Variants in MAX observed in about 807,000 individuals in gnomAD.
MAX encodes the protein MYC associated transcriptional regulator X.
MAX carries 3 observed loss-of-function variants against 22.3 expected under a neutral mutation model. That is an observed-to-expected ratio of 0.13 (90% confidence interval 0.06 to 0.35). The LOEUF is 0.35. MAX is among the 10% of genes least tolerant of loss of function. The pLI is 1.00. For synonymous variants in MAX, 72 were observed against 77.7 expected (o/e 0.93, Z 0.39); for missense variants, 119 against 209.4 (o/e 0.57, Z 2.66).
At chr14:65,086,476 G>T (rs2063336528) in intron 3 of MAX, among the ~76,000 whole-genome samples, 1 of 152,238 alleles carries the variant, frequency 6.6e-6, no homozygotes, top group Non-Finnish European at 1.5e-5. Flanking sequence ...GGCTGAGGTG[G>T]TCTCAGATGG....
rs932908843 is a variant in MAX at position 65,054,086 on chromosome 14, A to G, written c.171+39622T>C. 9.9e-5 allele frequency among the ~76,000 whole-genome samples: 15 copies of G among 152,172 alleles called. No individual in the cohort carries two copies. The highest frequency in any genetic ancestry group is 3.1e-4 in the African/African-American group (13 of 41,450). ...AAAAATACAGTTCCCACTGCTGGGC[A>G]GGGCTGGAGGATGGGGCTTTTATTT... On this transcript the variant is annotated intron_variant, in intron 3 of 3. Coordinates refer to the MAX transcript ENST00000341653. The surrounding 1 kb of genome is among the most constrained non-coding windows in gnomAD (Gnocchi z 4.4).
chr14:65,075,594 A>G lies in MAX; in HGVS notation c.*882T>C. Reference sequence around the variant, plus strand: ...TCTGTCGCTTTGCAAGACCGACATCATCAGAAATAGGTACAATTCACTCAG... The same window carrying G: ...TCTGTCGCTTTGCAAGACCGACATCGTCAGAAATAGGTACAATTCACTCAG... On this transcript the variant is annotated 3_prime_UTR_variant, in exon 5 of 5. Transcript: ENST00000358664. The surrounding 1 kb of genome is among the most constrained non-coding windows in gnomAD (Gnocchi z 4.1). 5.6e-6 allele frequency: 6 copies of G among 1,066,382 alleles called. No individual in the cohort carries two copies. The highest frequency in any genetic ancestry group is 6.8e-6 in the Non-Finnish European group (6 of 879,694). The allele number at this position is 1,066,382 out of a possible 1,614,324, so 66.1% of individuals were successfully genotyped here.
rs1295890235 is a variant in MAX, at chr14:65,082,928, C to A, written c.172-4892G>T. 6.6e-6 allele frequency among the ~76,000 whole-genome samples: 1 copy of A among 152,164 alleles called. No individual in the cohort carries two copies. The highest frequency in any genetic ancestry group is 1.5e-5 in the Non-Finnish European group (1 of 68,026). On this transcript the variant is annotated intron_variant, in intron 3 of 4. Coordinates refer to ENST00000358664, the MANE Select transcript of MAX (RefSeq NM_002382.5). This position sits in a 1 kb window ranked among gnomAD's most constrained non-coding sequence, Gnocchi z 4.8. ...CAAGATGCAAGCGAGCTTGAGAGAA[C>A]TGACCTAACCATCTGGTCTGGAGGG... is the stretch of plus-strand genomic sequence containing the variant.
rs1020043645 is a variant in MAX, at chr14:65,075,673, A to G, written c.*803T>C. 1 of 1,066,510 alleles carries G rather than the reference A, an allele frequency of 9.4e-7. No homozygotes were observed. The highest frequency in any genetic ancestry group is 1.1e-6 in the Non-Finnish European group (1 of 879,824). The allele number at this position is 1,066,510 out of a possible 1,614,324, so 66.1% of individuals were successfully genotyped here. ...ATCAAAACATCATCACTGGCCCTCA[A>G]TACAAAACCTCTATGCCACCCAAAA... On this transcript the variant is annotated 3_prime_UTR_variant, in exon 5 of 5. Transcript: ENST00000358664. This position sits in a 1 kb window ranked among gnomAD's most constrained non-coding sequence, Gnocchi z 4.1.
downstream of MAX, among the ~76,000 whole-genome samples, chr14:65,073,429 T>G (rs866129519): frequency 3.9e-5 from 6 of 152,168 alleles, no homozygotes; most frequent in Non-Finnish European, 8.8e-5. Context: ...TGTTTTACAA[T>G]GGGGTTAGCG....
rs967872561 is a variant in MAX, at chr14:65,017,800, C to T, written c.172-11516G>A. Among the ~76,000 whole-genome samples, 9 of 151,734 alleles carry T rather than the reference C, an allele frequency of 5.9e-5. No homozygotes were observed. The South Asian group carries it at 1.2e-3, about 21-fold the overall frequency. On this transcript the variant is annotated intron_variant, in intron 3 of 3. Transcript: ENST00000341653. ...GTGAAACCCCATCTCTACTAAAATA[C>T]AAAAATTAGCTGGGCATGGTGGTGC... is the stretch of plus-strand genomic sequence containing the variant.
rs926816372 is a variant in MAX at position 65,012,101 on chromosome 14, A to G, written c.172-5817T>C. Reference sequence around the variant, plus strand: ...AATCGCACTCTAAATGTCAGCTGGCATGGTTTTCAGATGCTTTAGAGACAT... The same window carrying G: ...AATCGCACTCTAAATGTCAGCTGGCGTGGTTTTCAGATGCTTTAGAGACAT... On this transcript the variant is annotated intron_variant, in intron 3 of 3. Coordinates refer to the MAX transcript ENST00000341653. The surrounding 1 kb of genome is among the most constrained non-coding windows in gnomAD (Gnocchi z 5.0). The G allele has an allele frequency of 5.7e-6, 3 of 527,928 alleles. No individual in the cohort carries two copies. The highest frequency in any genetic ancestry group is 6.8e-6 in the Non-Finnish European group (2 of 295,718). The allele number at this position is 527,928 out of a possible 1,614,324, so 32.7% of individuals were successfully genotyped here. A position where few individuals can be genotyped will look rare whatever the true frequency, so the allele number is the denominator to read the frequency against.
At chr14:65,100,809 G>A (rs1374671502) in intron 2 of MAX, among the ~76,000 whole-genome samples, 2 of 152,116 alleles carry the variant, frequency 1.3e-5, no homozygotes, top group East Asian at 1.9e-4. Flanking sequence ...CATGGAATTA[G>A]TGCTTATCTA....
chr14:65,067,439 G>T (rs991412049), intron 3 of MAX, among the ~76,000 whole-genome samples: 10 of 152,038 alleles, frequency 6.6e-5, no homozygotes, highest in African/African-American at 2.2e-4. Context: ...ATCCCACCCA[G>T]GACACTACAT....
chr14:65,053,811 C>T (rs1208411353), intron 3 of MAX, among the ~76,000 whole-genome samples: 1 of 152,116 alleles, frequency 6.6e-6, no homozygotes, highest in Non-Finnish European at 1.5e-5. Context: ...ACCTTTGTTA[C>T]CCACCCTCTG....
intron 3 of MAX, among the ~76,000 whole-genome samples, chr14:65,053,576 C>G (rs905224231): frequency 6.7e-6 from 1 of 148,832 alleles, no homozygotes; most frequent in Non-Finnish European, 1.5e-5. Context: ...ATGCAACCCC[C>G]TCCCCCAGAC....
rs969543711 is a variant in MAX at position 65,047,398 on chromosome 14, G to A, written c.172-41114C>T. Among the ~76,000 whole-genome samples, 3 of 152,230 alleles carry A rather than the reference G, an allele frequency of 2.0e-5. No homozygotes were observed. Among genetic ancestry groups the A allele is most frequent in the African/African-American group, 7.2e-5 (3 of 41,456 alleles). The stretch of plus-strand genomic sequence containing the variant: ...GAACCCTGCCCTGCTCATAACCACA[G>A]TAGGTGGCCATTAATCCAACGAAAA... On this transcript the variant is annotated intron_variant, in intron 3 of 3. Coordinates refer to the MAX transcript ENST00000341653. The surrounding 1 kb of genome is among the most constrained non-coding windows in gnomAD (Gnocchi z 5.2).
At chr14:65,038,268 G>T (rs1438285601) in intron 3 of MAX, among the ~76,000 whole-genome samples, 1 of 151,828 alleles carries the variant, frequency 6.6e-6, no homozygotes, top group Non-Finnish European at 1.5e-5. Flanking sequence ...ACATTAGCCG[G>T]GTGTGGTGGT....
rs138933441 is a variant in MAX at position 65,012,953 on chromosome 14, T to C, written c.172-6669A>G. 2.0e-3 allele frequency among the ~76,000 whole-genome samples: 300 copies of C among 152,330 alleles called. 2 individuals carry two copies. Among genetic ancestry groups the C allele is most frequent in the African/African-American group, 6.9e-3 (287 of 41,574 alleles). On this transcript the variant is annotated intron_variant, in intron 3 of 3. Coordinates refer to the MAX transcript ENST00000341653. This position sits in a 1 kb window ranked among gnomAD's most constrained non-coding sequence, Gnocchi z 5.0. The stretch of plus-strand genomic sequence containing the variant: ...GTCCTTGCAATTTAACATTACTGTT[T>C]AAGAGTAGATCTTTAATATTTCCCA...
chr14:65,040,840 A>G, intron 3 of MAX: 1 of 1,613,970 alleles, frequency 6.2e-7, no homozygotes, highest in Non-Finnish European at 8.5e-7. Context: ...ATGGAAGCCC[A>G]TGGTGGCTAT....
chr14:65,101,494 A>G, intron 2 of MAX, 52 bp downstream of exon 2: 1 of 1,511,306 alleles, frequency 6.6e-7, no homozygotes, highest in East Asian at 2.3e-5. Flanking sequence ...TGACCCCAAA[A>G]AGGAATAGAA....
rs2062876499 is a variant in MAX at position 65,062,162 on chromosome 14, G to A, written c.171+31546C>T. On this transcript the variant is annotated intron_variant, in intron 3 of 3. Coordinates refer to the MAX transcript ENST00000341653. This position sits in a 1 kb window ranked among gnomAD's most constrained non-coding sequence, Gnocchi z 4.3. ...GCCTGCAGGCCGAGGCCCTTCTGGG[G>A]GTTTCTATCTTTCTTCCACCAGACT... 6.6e-6 allele frequency: 1 copy of A among 152,414 alleles called. No homozygotes were observed. The highest frequency in any genetic ancestry group is 1.5e-5 in the Non-Finnish European group (1 of 68,186). The allele number at this position is 152,414 out of a possible 1,614,324, so 9.4% of individuals were successfully genotyped here. A position where few individuals can be genotyped will look rare whatever the true frequency, so the allele number is the denominator to read the frequency against.
rs2062342408 is a variant in MAX at position 65,041,066 on chromosome 14, T to C, written c.172-34782A>G. On this transcript the variant is annotated intron_variant, in intron 3 of 3. Transcript: ENST00000341653. ...CAACACAGAGGAAGGAGTGAGCAGC[T>C]GCTCTGTCTTGGCTCCCCCTTCTGC... The C allele has an allele frequency of 1.3e-5, 18 of 1,348,864 alleles. No individual in the cohort carries two copies. The Middle Eastern group carries it at 6.4e-4, about 48-fold the overall frequency. 83.6% of individuals were successfully genotyped at this position (1,348,864 alleles called of 1,614,324 possible).
intron 3 of MAX, chr14:65,091,722 C>T (rs1183509463): frequency 6.6e-6 from 1 of 152,280 alleles, no homozygotes; most frequent in Non-Finnish European, 1.5e-5. Context: ...TTGCCAGCAA[C>T]ACTCTTCTTC....
Sources: allele counts gnomAD v4.1 joint callset (sites outside exome capture counted in the v4.1 genomes callset), GRCh38; gene constraint gnomAD v4.1.1; non-coding constraint Gnocchi (gnomAD v3.1); transcripts MANE v1.5; gene names NCBI Gene and HGNC (gene_info 2026-07-23, HGNC 2026-07-21).